The following GRIK4 variants were observed in gnomAD, a reference collection of about 807,000 sequenced individuals.
GRIK4 encodes glutamate ionotropic receptor kainate type subunit 4.
A neutral mutation model predicts 104.9 loss-of-function variants in GRIK4; 40 were observed. The ratio of observed to expected loss-of-function variants is 0.38; its 90% CI spans 0.30 to 0.50. The LOEUF (loss-of-function observed/expected upper bound fraction) is 0.50. Ranked by LOEUF, GRIK4 falls within the 20% of genes least tolerant of loss-of-function variation. The pLI is 0.93. For missense variants in GRIK4, 1,047 were observed against 1,308.1 expected (o/e 0.80, Z 3.08); for synonymous variants, 485 against 524.9 (o/e 0.92, Z 1.04).
chr11:120,682,236 T>C (rs953634281), intron 3 of GRIK4, among the ~76,000 whole-genome samples: 1 of 152,140 alleles, frequency 6.6e-6, no homozygotes, highest in African/African-American at 2.4e-5. Flanking sequence ...ATGCATTTGG[T>C]GGTGTCACCT....
intron 11 of GRIK4, among the ~76,000 whole-genome samples, chr11:120,889,589 A>G (rs79488580): frequency 1.1e-4 from 7 of 62,498 alleles, no homozygotes; most frequent in South Asian, 1.6e-3. Context: ...AAGAGCTTAC[A>G]TTTTTTTTTT....
At chr11:120,638,385 T>A (rs1044545488) in intron 1 of GRIK4, among the ~76,000 whole-genome samples, 1 of 152,182 alleles carries the variant, frequency 6.6e-6, no homozygotes, top group Non-Finnish European at 1.5e-5. Flanking sequence ...CTGCATGGGA[T>A]CACACAGCTA....
intron 3 of GRIK4, among the ~76,000 whole-genome samples, chr11:120,753,936 C>A (rs757011189): frequency 6.6e-6 from 1 of 152,162 alleles, no homozygotes; most frequent in Non-Finnish European, 1.5e-5. Context: ...GAAGAAAGCC[C>A]ATCCCCTTGA....
intron 3 of GRIK4, among the ~76,000 whole-genome samples, chr11:120,696,727 T>C (rs947883567): frequency 2.0e-5 from 3 of 151,836 alleles, no homozygotes; most frequent in Non-Finnish European, 4.4e-5. Flanking sequence ...GCAGCAGGGG[T>C]GGACCGGAGG....
intron 1 of GRIK4, among the ~76,000 whole-genome samples, chr11:120,591,742 C>T (rs1005549432): frequency 6.6e-6 from 1 of 152,150 alleles, no homozygotes; most frequent in Admixed American, 6.5e-5. Context: ...TGCTCATAGA[C>T]AAACATTTTG....
intron 11 of GRIK4, among the ~76,000 whole-genome samples, chr11:120,896,450 T>A (rs1942584258): frequency 6.6e-6 from 1 of 152,268 alleles, no homozygotes; most frequent in Non-Finnish European, 1.5e-5. Flanking sequence ...TGGGGACAGC[T>A]GCCCACCCTT....
At chr11:120,613,732 A>G (rs940468440) in intron 1 of GRIK4, among the ~76,000 whole-genome samples, 34 of 152,144 alleles carry the variant, frequency 2.2e-4, no homozygotes, top group Non-Finnish European at 1.5e-4. Flanking sequence ...TGGGGCAGGG[A>G]AGCTCCTGAG....
At chr11:120,795,438 C>T (rs73578576) in intron 3 of GRIK4, among the ~76,000 whole-genome samples, 3 of 152,280 alleles carry the variant, frequency 2.0e-5, no homozygotes, top group Non-Finnish European at 4.4e-5. Flanking sequence ...GTCCACTCAT[C>T]GCCTAATGCT....
At chr11:120,580,247 CTTTCT>C (rs1250757082) in intron 1 of GRIK4, among the ~76,000 whole-genome samples, 3 of 119,546 alleles carry the variant, frequency 2.5e-5, no homozygotes, top group Non-Finnish European at 5.2e-5. Context: ...TTCTTTCTTT[CTTTCT>C]TTTTCTTTCT....
At chr11:120,756,256 C>G (rs375514632) in intron 3 of GRIK4, among the ~76,000 whole-genome samples, 89 of 152,326 alleles carry the variant, frequency 5.8e-4, no homozygotes, top group African/African-American at 2.1e-3. Context: ...ACGCTATATA[C>G]TATGCTCCTC....
intron 1 of GRIK4, among the ~76,000 whole-genome samples, chr11:120,572,832 T>C (rs933767864): frequency 6.6e-6 from 1 of 152,112 alleles, no homozygotes; most frequent in Admixed American, 6.5e-5. Flanking sequence ...GTTCCCTTCT[T>C]CTGATTGAGG....
At chr11:120,890,758 G>A (rs1384131990) in intron 11 of GRIK4, among the ~76,000 whole-genome samples, 1 of 152,196 alleles carries the variant, frequency 6.6e-6, no homozygotes, top group Admixed American at 6.5e-5. Flanking sequence ...TAACAAGGTT[G>A]TTGTGCAGAA....
chr11:120,659,214 C>A (rs1413067885), intron 2 of GRIK4, among the ~76,000 whole-genome samples: 1 of 152,020 alleles, frequency 6.6e-6, no homozygotes, highest in African/African-American at 2.4e-5. Flanking sequence ...CAGCTCCCTG[C>A]AAGGTTCTGG....
intron 3 of GRIK4, among the ~76,000 whole-genome samples, chr11:120,726,193 G>A (rs1439300989): frequency 6.6e-6 from 1 of 152,180 alleles, no homozygotes; most frequent in Admixed American, 6.5e-5. Flanking sequence ...TAGAGAGAGT[G>A]GTGGAAATCA....
intron 3 of GRIK4, among the ~76,000 whole-genome samples, chr11:120,709,520 A>T (rs1950688858): frequency 6.6e-6 from 1 of 152,168 alleles, no homozygotes; most frequent in Non-Finnish European, 1.5e-5. Flanking sequence ...GATTCTCTGC[A>T]AATGCTGACT....
At chr11:120,622,760 G>A (rs1487572712) in intron 1 of GRIK4, among the ~76,000 whole-genome samples, 2 of 152,220 alleles carry the variant, frequency 1.3e-5, no homozygotes, top group Non-Finnish European at 2.9e-5. Context: ...GGGAGAATGC[G>A]TTCTGTGCCT....
intron 10 of GRIK4, 38 bp downstream of exon 10, chr11:120,874,256 G>A: frequency 1.3e-6 from 2 of 1,562,238 alleles, no homozygotes; most frequent in Non-Finnish European, 1.7e-6. Context: ...CTGTGCCCAG[G>A]CTAGTGGGGT....
Position 120,866,953 on chromosome 11 carries a change from T to TAACA in GRIK4, c.906+4834_906+4837dup, listed in dbSNP as rs542894458. On this transcript the variant is annotated intron_variant, in intron 9 of 20. Transcript: ENST00000527524. ...TATTTTCCTTCTCAGGGCATCCTCG[T>TAACA]AACAGTTAAGAGTGGTCATGTAGCC... Among the ~76,000 whole-genome samples the TAACA allele has an allele frequency of 6.6e-5, 10 of 152,220 alleles. No homozygotes were observed. In the South Asian group the frequency reaches 2.1e-3, roughly 32 times the overall value.
chr11:120,795,612 G>C (rs974842371), intron 3 of GRIK4, among the ~76,000 whole-genome samples: 1 of 152,218 alleles, frequency 6.6e-6, no homozygotes, highest in Non-Finnish European at 1.5e-5. Context: ...TCACCCCAAA[G>C]GAGCTGAAAA....
Sources: allele counts gnomAD v4.1 joint callset (sites outside exome capture counted in the v4.1 genomes callset), GRCh38; gene constraint gnomAD v4.1.1; transcripts MANE v1.5; gene names NCBI Gene and HGNC (gene_info 2026-07-23, HGNC 2026-07-21).